The following PBX4 variants were observed in gnomAD, a reference collection of about 807,000 sequenced individuals.
The protein encoded by PBX4 is pre-B-cell leukemia transcription factor 4.
PBX4 carries 26 observed loss-of-function variants against 35.1 expected under a neutral mutation model. That is an observed-to-expected ratio of 0.74 (90% confidence interval 0.54 to 1.03). The LOEUF (loss-of-function observed/expected upper bound fraction) is 1.03. PBX4 is among the 50% of genes least tolerant of loss of function. The pLI is 0.00. For missense variants in PBX4, 448 were observed against 504.3 expected (o/e 0.89, Z 1.07); for synonymous variants, 199 against 204.2 (o/e 0.97, Z 0.22).
chr19:19,587,720 G>A (rs111724333), intron 2 of PBX4, among the ~76,000 whole-genome samples: 2,255 of 150,680 alleles, frequency 0.015, 79 homozygotes, highest in South Asian at 0.077. Context: ...TCCACTGAGC[G>A]TAGTTTCACA....
intron 2 of PBX4, among the ~76,000 whole-genome samples, chr19:19,587,479 T>C (rs1042714265): frequency 2.0e-5 from 3 of 150,532 alleles, no homozygotes; most frequent in Non-Finnish European, 4.4e-5. Flanking sequence ...TCCCAGCTAC[T>C]TGGGCAGCTG....
chr19:19,617,825 T>G (rs1260890656), intron 1 of PBX4, among the ~76,000 whole-genome samples: 1 of 152,112 alleles, frequency 6.6e-6, no homozygotes, highest in African/African-American at 2.4e-5. Context: ...CAGACATTCC[T>G]GAGTCCCATT....
chr19:19,581,517 G>A (rs1438028014), intron 2 of PBX4, among the ~76,000 whole-genome samples: 1 of 152,188 alleles, frequency 6.6e-6, no homozygotes, highest in Non-Finnish European at 1.5e-5. Context: ...TGCGGGTGGC[G>A]GTGGCACTGC....
At chr19:19,582,644 T>C (rs2061462909) in intron 2 of PBX4, among the ~76,000 whole-genome samples, 1 of 152,156 alleles carries the variant, frequency 6.6e-6, no homozygotes, top group African/African-American at 2.4e-5. Flanking sequence ...ATTTTTCCAG[T>C]ACACTAAGGC....
At chr19:19,572,379 A>G (rs1055123504) in intron 2 of PBX4, among the ~76,000 whole-genome samples, 7 of 151,938 alleles carry the variant, frequency 4.6e-5, no homozygotes, top group African/African-American at 1.7e-4. Flanking sequence ...GGCCAGAATC[A>G]GGCTATCTTA....
At chr19:19,589,137 C>T (rs373432454) in intron 2 of PBX4, among the ~76,000 whole-genome samples, 8 of 152,070 alleles carry the variant, frequency 5.3e-5, no homozygotes, top group African/African-American at 7.2e-5. Context: ...AAAAAAAGAA[C>T]GTAAAAAGAG....
At chr19:19,578,420 G>A (rs971908579) in intron 2 of PBX4, among the ~76,000 whole-genome samples, 1 of 152,056 alleles carries the variant, frequency 6.6e-6, no homozygotes, top group Non-Finnish European at 1.5e-5. Context: ...CATTAGACAT[G>A]CATTACCATC....
intron 2 of PBX4, among the ~76,000 whole-genome samples, chr19:19,583,484 A>G (rs917219878): frequency 1.3e-5 from 2 of 151,774 alleles, no homozygotes; most frequent in African/African-American, 4.8e-5. Flanking sequence ...TTGGTGGCAC[A>G]CACCTGTAAT....
rs954975241 is a variant in PBX4, at chr19:19,563,391, G to C, written c.1032+118C>G. On this transcript the variant is annotated intron_variant, in intron 7 of 7. Coordinates refer to ENST00000251203, the MANE Select transcript of PBX4 (RefSeq NM_025245.3). This position sits in a 1 kb window ranked among gnomAD's most constrained non-coding sequence, Gnocchi z 5.1. ...CAGAGGTGGCCGCGCAGCATGGCCT[G>C]TGTGGCTGCTGGGACCTCTGGGGAA... 2 of 763,596 alleles carry C rather than the reference G, an allele frequency of 2.6e-6. No individual in the cohort carries two copies. The highest frequency in any genetic ancestry group is 3.5e-5 in the African/African-American group (2 of 56,672). The allele number at this position is 763,596 out of a possible 1,614,324, so 47.3% of individuals were successfully genotyped here.
intron 1 of PBX4, among the ~76,000 whole-genome samples, chr19:19,610,860 GAAGA>G (rs1386330450): frequency 6.6e-6 from 1 of 152,318 alleles, no homozygotes; most frequent in South Asian, 2.1e-4. Context: ...AGCAAGCTAA[GAAGA>G]AAGACTACAA....
chr19:19,573,506 G>A (rs150706915), intron 2 of PBX4, among the ~76,000 whole-genome samples: 15 of 152,100 alleles, frequency 9.9e-5, no homozygotes, highest in Non-Finnish European at 2.2e-4. Context: ...AATAGATGGC[G>A]GCACAAAGTT....
intron 1 of PBX4, 125 bp from the exon 2 acceptor site, chr19:19,599,490 T>A (rs2061583356): frequency 1.3e-6 from 1 of 777,152 alleles, no homozygotes; most frequent in Non-Finnish European, 2.2e-6. Flanking sequence ...TGTAGATAAG[T>A]CGCCTTATGA....
Position 19,562,465 on chromosome 19 carries a change from C to T in PBX4, c.1033-348G>A, listed in dbSNP as rs921890200. ...CAGGCCTGGAGCCCATGATGACGCC[C>T]GGAGCGTCATGGTGAGACTCGGTGG... is the stretch of plus-strand genomic sequence containing the variant. On this transcript the variant is annotated intron_variant, in intron 7 of 7. Transcript: ENST00000251203. The surrounding 1 kb of genome is among the most constrained non-coding windows in gnomAD (Gnocchi z 4.8). Among the ~76,000 whole-genome samples, 6 of 152,020 alleles carry T rather than the reference C, an allele frequency of 3.9e-5. No individual in the cohort carries two copies. The highest frequency in any genetic ancestry group is 9.7e-5 in the African/African-American group (4 of 41,354).
intron 1 of PBX4, 71 bp downstream of exon 1, chr19:19,618,440 C>T (rs1186708701): frequency 2.3e-6 from 3 of 1,311,728 alleles, no homozygotes; most frequent in Non-Finnish European, 2.9e-6. Flanking sequence ...GGCCTCCACG[C>T]CCCGTCCCCT....
At chr19:19,589,606 C>G (rs141957997) in intron 2 of PBX4, among the ~76,000 whole-genome samples, 1 of 151,884 alleles carries the variant, frequency 6.6e-6, no homozygotes, top group Non-Finnish European at 1.5e-5. Context: ...CCCATCTCTA[C>G]TAAAAATACA....
intron 5 of PBX4, among the ~76,000 whole-genome samples, chr19:19,568,203 A>T (rs1297096284): frequency 2.1e-4 from 18 of 87,436 alleles, no homozygotes; most frequent in Admixed American, 6.4e-4. Flanking sequence ...ACACTCTACC[A>T]GTATCCCTCA....
At chr19:19,617,240 T>G (rs1373584115) in intron 1 of PBX4, among the ~76,000 whole-genome samples, 1 of 152,178 alleles carries the variant, frequency 6.6e-6, no homozygotes, top group Non-Finnish European at 1.5e-5. Context: ...GGTCTCAAAC[T>G]GCTGGACTCA....
chr19:19,614,041 A>G (rs1402569976), intron 1 of PBX4, among the ~76,000 whole-genome samples: 2 of 152,132 alleles, frequency 1.3e-5, no homozygotes, highest in Non-Finnish European at 2.9e-5. Flanking sequence ...CAATGCTCCA[A>G]AAAGAATAAA....
chr19:19,597,671 C>G (rs531449732), intron 2 of PBX4, among the ~76,000 whole-genome samples: 5 of 152,314 alleles, frequency 3.3e-5, no homozygotes, highest in African/African-American at 1.2e-4. Flanking sequence ...AAGTGACACA[C>G]AAAATTCAAA....
Sources: gnomAD v4.1 joint callset for allele counts (sites outside exome capture counted in the v4.1 genomes callset) on GRCh38, gnomAD v4.1.1 for gene constraint, Gnocchi (gnomAD v3.1) non-coding constraint, MANE v1.5 for transcripts, NCBI Gene and HGNC (gene_info 2026-07-23, HGNC 2026-07-21) for gene names.